PTPRD: variants seen among roughly 807,000 people sequenced by gnomAD.
PTPRD encodes the protein protein tyrosine phosphatase receptor type D.
Under a neutral mutation model 214.5 loss-of-function variants are expected in PTPRD, and 34 were observed. The ratio of observed to expected loss-of-function variants is 0.16; its 90% CI spans 0.12 to 0.21. The LOEUF is 0.21. PTPRD is among the 10% of genes least tolerant of loss of function. The pLI is 1.00. For synonymous variants in PTPRD, 1,128 were observed against 845.7 expected, an observed-to-expected ratio of 1.33 and a Z score of -5.79; for missense variants, 2,545 against 2,398.7, an observed-to-expected ratio of 1.06 and a Z score of -1.27.
chr9:9,309,714 G>T (rs1958299422), intron 9 of PTPRD, among the ~76,000 whole-genome samples: 1 of 152,096 alleles, frequency 6.6e-6, no homozygotes, highest in Admixed American at 6.6e-5. Flanking sequence ...GAAAAGAATG[G>T]TACAACGTTA....
intron 2 of PTPRD, among the ~76,000 whole-genome samples, chr9:10,430,953 C>T (rs1178202547): frequency 6.6e-6 from 1 of 151,844 alleles, no homozygotes; most frequent in Non-Finnish European, 1.5e-5. Context: ...TATTGGCTAT[C>T]AAAATTAAAA....
intron 4 of PTPRD, among the ~76,000 whole-genome samples, chr9:10,033,319 A>G (rs1294879374): frequency 6.6e-6 from 1 of 151,882 alleles, no homozygotes; most frequent in East Asian, 1.9e-4. Context: ...TGTATATATA[A>G]TAAGTATAGT....
chr9:9,848,755 G>C (rs960976193), intron 5 of PTPRD, among the ~76,000 whole-genome samples: 1 of 151,968 alleles, frequency 6.6e-6, no homozygotes, highest in African/African-American at 2.4e-5. Flanking sequence ...ATTTTCAAAA[G>C]TGTGCTCATG....
chr9:10,142,619 G>A (rs954772614), intron 3 of PTPRD, among the ~76,000 whole-genome samples: 4 of 148,982 alleles, frequency 2.7e-5, no homozygotes, highest in African/African-American at 9.8e-5. Flanking sequence ...AAAAAGTCAG[G>A]AAACAACAGG....
At chr9:9,256,887 A>T (rs1168168369) in intron 9 of PTPRD, among the ~76,000 whole-genome samples, 1 of 151,974 alleles carries the variant, frequency 6.6e-6, no homozygotes, top group Non-Finnish European at 1.5e-5. Flanking sequence ...CTCCTCTCAG[A>T]GGGTCTTCTG....
chr9:10,178,027 A>T (rs1486304696), intron 3 of PTPRD, among the ~76,000 whole-genome samples: 1 of 151,886 alleles, frequency 6.6e-6, no homozygotes, highest in Non-Finnish European at 1.5e-5. Context: ...TCCTTCTTCC[A>T]CTTAGTGAAT....
intron 2 of PTPRD, among the ~76,000 whole-genome samples, chr9:10,560,000 G>A (rs1215574417): frequency 6.6e-6 from 1 of 152,170 alleles, no homozygotes; most frequent in Non-Finnish European, 1.5e-5. Context: ...AGTCAGTGTG[G>A]CGATTCTTCA....
chr9:9,885,910 G>A (rs2153749498), intron 5 of PTPRD, among the ~76,000 whole-genome samples: 1 of 151,734 alleles, frequency 6.6e-6, no homozygotes, highest in Admixed American at 6.6e-5. Flanking sequence ...CTGCCTATCT[G>A]AAAGAGATCT....
intron 3 of PTPRD, among the ~76,000 whole-genome samples, chr9:10,274,104 C>G (rs528127317): frequency 2.6e-4 from 40 of 152,188 alleles, no homozygotes; most frequent in African/African-American, 9.6e-4. Flanking sequence ...CTCTGCCCAC[C>G]AGTTAACCTC....
chr9:9,200,203 G>A (rs1293429086), intron 9 of PTPRD, among the ~76,000 whole-genome samples: 2 of 152,190 alleles, frequency 1.3e-5, no homozygotes, highest in African/African-American at 4.8e-5. Flanking sequence ...ATGAAGAGGA[G>A]TTTAGAAAGC....
At chr9:9,003,489 C>T (rs2099433056) in intron 11 of PTPRD, among the ~76,000 whole-genome samples, 1 of 152,032 alleles carries the variant, frequency 6.6e-6, no homozygotes. Context: ...TTTAGAAATA[C>T]AGACTCCAAG....
At chr9:9,135,212 T>C (rs1159965372) in intron 10 of PTPRD, among the ~76,000 whole-genome samples, 1 of 152,330 alleles carries the variant, frequency 6.6e-6, no homozygotes, top group Admixed American at 6.5e-5. Context: ...CCACTCTGAT[T>C]GTATGCTTTC....
intron 11 of PTPRD, among the ~76,000 whole-genome samples, chr9:8,964,708 C>G (rs1288948748): frequency 6.6e-6 from 1 of 152,080 alleles, no homozygotes; most frequent in Admixed American, 6.6e-5. Context: ...AAACTTTCCT[C>G]TTACCACTGC....
chr9:8,629,505 A>G (rs2096175413), intron 14 of PTPRD, among the ~76,000 whole-genome samples: 1 of 151,652 alleles, frequency 6.6e-6, no homozygotes, highest in South Asian at 2.1e-4. Flanking sequence ...TTCTTACAAC[A>G]CTCTCTCTGG....
intron 8 of PTPRD, among the ~76,000 whole-genome samples, chr9:9,447,991 T>C (rs1248341598): frequency 2.0e-5 from 3 of 152,006 alleles, no homozygotes; most frequent in Non-Finnish European, 4.4e-5. Context: ...TTTGGTGAAA[T>C]GGGCTACTAT....
chr9:9,870,795 A>G (rs1002164582), intron 5 of PTPRD, among the ~76,000 whole-genome samples: 3 of 152,114 alleles, frequency 2.0e-5, no homozygotes, highest in African/African-American at 7.2e-5. Flanking sequence ...GAAATTGCAG[A>G]TAAAGGGAAA....
intron 11 of PTPRD, among the ~76,000 whole-genome samples, chr9:8,771,258 T>G (rs2095190699): frequency 6.6e-6 from 1 of 152,186 alleles, no homozygotes; most frequent in African/African-American, 2.4e-5. Flanking sequence ...TACACTGATT[T>G]GTAAAATATT....
intron 11 of PTPRD, among the ~76,000 whole-genome samples, chr9:8,917,993 CA>C (rs1378157178): frequency 6.6e-6 from 1 of 152,114 alleles, no homozygotes; most frequent in Non-Finnish European, 1.5e-5. Flanking sequence ...AAGCAAGAGA[CA>C]TTAAGGGGGA....
At chr9:9,965,240 G>C (rs1168092894) in intron 4 of PTPRD, among the ~76,000 whole-genome samples, 3 of 152,150 alleles carry the variant, frequency 2.0e-5, no homozygotes, top group Non-Finnish European at 4.4e-5. Flanking sequence ...CCTCAGGTTG[G>C]GGTGGTTGTT....
Sources: allele counts gnomAD v4.1 joint callset (sites outside exome capture counted in the v4.1 genomes callset), GRCh38; gene constraint gnomAD v4.1.1; transcripts MANE v1.5; gene names NCBI Gene and HGNC (gene_info 2026-07-23, HGNC 2026-07-21).